Variants in JMJD1C observed in about 807,000 individuals in gnomAD.
The protein encoded by JMJD1C is jumonji domain-containing protein 1C.
JMJD1C carries 31 observed loss-of-function variants against 245.3 expected under a neutral mutation model. That is an observed-to-expected ratio of 0.13 (90% CI 0.09 to 0.17). JMJD1C has a LOEUF of 0.17. Among genes scored for constraint, JMJD1C ranks in the 10% least tolerant of loss-of-function variants. The pLI, the probability that JMJD1C is intolerant of heterozygous loss-of-function variation, is 1.00. For missense variants in JMJD1C, 2,691 were observed against 3,000.2 expected (o/e 0.90, Z 2.41); for synonymous variants, 1,057 against 1,017.4 (o/e 1.04, Z -0.74).
intron 3 of JMJD1C, among the ~76,000 whole-genome samples, chr10:63,234,551 T>TAA (rs531508301): frequency 8.0e-5 from 7 of 87,960 alleles, no homozygotes; most frequent in African/African-American, 2.1e-4. Flanking sequence ...CCCTATCCTA[T>TAA]AAAAAAAAAC....
chr10:63,184,020 C>T (rs528961576), intron 21 of JMJD1C, among the ~76,000 whole-genome samples: 93 of 146,284 alleles, frequency 6.4e-4, no homozygotes, highest in African/African-American at 2.3e-3. Context: ...CTCCACCTCC[C>T]GGGTTCAAGC....
intron 10 of JMJD1C, chr10:63,202,520 A>G: frequency 1.0e-6 from 1 of 985,454 alleles, no homozygotes; most frequent in Non-Finnish European, 1.2e-6. Context: ...ACTGTGTTTA[A>G]ATAAACCATA....
chr10:63,284,637 A>T (rs1857764370), intron 2 of JMJD1C, among the ~76,000 whole-genome samples: 1 of 152,242 alleles, frequency 6.6e-6, no homozygotes, highest in Admixed American at 6.5e-5. Context: ...TGACAAAAAC[A>T]TCATTAAACT....
chr10:63,170,040 G>A (rs1036039226), intron 24 of JMJD1C, among the ~76,000 whole-genome samples: 4 of 152,190 alleles, frequency 2.6e-5, no homozygotes, highest in Non-Finnish European at 4.4e-5. Context: ...AGGAGAGTAA[G>A]TCTTTCCAAA....
intron 10 of JMJD1C, chr10:63,203,455 C>T: frequency 2.0e-6 from 2 of 985,268 alleles, no homozygotes; most frequent in Non-Finnish European, 2.4e-6. Context: ...ACTTGCCAAA[C>T]ATTAATCTCT....
chr10:63,271,024 T>A (rs182156832), intron 2 of JMJD1C, among the ~76,000 whole-genome samples: 5 of 152,274 alleles, frequency 3.3e-5, no homozygotes, highest in East Asian at 3.9e-4. Context: ...TGTATTACAA[T>A]TTAATTGAAA....
intron 1 of JMJD1C, among the ~76,000 whole-genome samples, chr10:63,434,449 T>C (rs1950949392): frequency 6.6e-6 from 1 of 152,018 alleles, no homozygotes; most frequent in African/African-American, 2.4e-5. Context: ...CCTTTGTAAG[T>C]CAAGGAGATA....
At position 63,224,589 on chromosome 10, in the gene JMJD1C, ATATATT is replaced by A. The variant is rs201453009; in HGVS notation, c.448-4612_448-4607del. 1.6e-3 allele frequency among the ~76,000 whole-genome samples: 251 copies of A among 152,324 alleles called. 3 individuals carry two copies. The South Asian group carries it at 0.029, about 18-fold the overall frequency. ...ACAAAGCCAAATAGGTTTTTTATAT[ATATATT>A]TACTGACTTGAATAATTTTGTAAAG... On this transcript the variant is annotated intron_variant, in intron 3 of 25. Transcript: ENST00000399262.
At chr10:63,212,456 C>A (rs150867727) in intron 8 of JMJD1C, among the ~76,000 whole-genome samples, 1 of 151,942 alleles carries the variant, frequency 6.6e-6, no homozygotes, top group Admixed American at 6.6e-5. Flanking sequence ...TTTTTTATAC[C>A]GGGGCTAGTA....
At chr10:63,226,534 G>A (rs938207533) in intron 3 of JMJD1C, among the ~76,000 whole-genome samples, 5 of 151,776 alleles carry the variant, frequency 3.3e-5, no homozygotes, top group Non-Finnish European at 5.9e-5. Flanking sequence ...GCAACATGGC[G>A]AGATGCCATT....
intron 1 of JMJD1C, among the ~76,000 whole-genome samples, chr10:63,443,296 GTTTT>G (rs936700465): frequency 6.6e-6 from 1 of 151,830 alleles, no homozygotes; most frequent in Non-Finnish European, 1.5e-5. Context: ...ACAGGGTTTT[GTTTT>G]TTTTGTTTTG....
chr10:63,495,905 T>A (rs1346487670), intron 1 of JMJD1C, among the ~76,000 whole-genome samples: 1 of 151,592 alleles, frequency 6.6e-6, no homozygotes. Context: ...AAGAAGAAAT[T>A]ATATTTTTAA....
chr10:63,243,103 T>TTATATATATATATATATATAGATA (rs1851696871), intron 3 of JMJD1C, among the ~76,000 whole-genome samples: 1 of 120,108 alleles, frequency 8.3e-6, no homozygotes. Context: ...CTAACATAAA[T>TTATATATATATATATATATAGATA]TATATATATA....
chr10:63,456,659 T>C (rs1287478211), intron 1 of JMJD1C, among the ~76,000 whole-genome samples: 2 of 152,140 alleles, frequency 1.3e-5, no homozygotes, highest in Non-Finnish European at 2.9e-5. Flanking sequence ...ATCTGAAATC[T>C]ATTCTAGGAA....
chr10:63,440,996 T>C (rs1456275015), intron 1 of JMJD1C, among the ~76,000 whole-genome samples: 3 of 152,034 alleles, frequency 2.0e-5, no homozygotes, highest in Admixed American at 2.0e-4. Context: ...GGAGGAAAAG[T>C]GCTTGAGGTC....
At chr10:63,352,043 G>A (rs1055410461) in intron 2 of JMJD1C, among the ~76,000 whole-genome samples, 14 of 152,014 alleles carry the variant, frequency 9.2e-5, no homozygotes, top group African/African-American at 3.1e-4. Flanking sequence ...AAGGAGGGGC[G>A]AGAATAAAAA....
At chr10:63,299,098 C>T (rs1859781570) in intron 2 of JMJD1C, among the ~76,000 whole-genome samples, 1 of 152,088 alleles carries the variant, frequency 6.6e-6, no homozygotes, top group African/African-American at 2.4e-5. Context: ...ATTACTAAGT[C>T]TATATCAAAC....
At chr10:63,447,318 A>G (rs1043190781) in intron 1 of JMJD1C, among the ~76,000 whole-genome samples, 1 of 152,222 alleles carries the variant, frequency 6.6e-6, no homozygotes, top group African/African-American at 2.4e-5. Flanking sequence ...AAAGCTTCTC[A>G]GACACCTCCT....
chr10:63,366,246 T>C (rs1945829924), intron 2 of JMJD1C, among the ~76,000 whole-genome samples: 1 of 152,186 alleles, frequency 6.6e-6, no homozygotes, highest in Non-Finnish European at 1.5e-5. Context: ...ACCAAAGGCT[T>C]TGCTGAGATT....
Sources: gnomAD v4.1 joint callset for allele counts (sites outside exome capture counted in the v4.1 genomes callset) on GRCh38, gnomAD v4.1.1 for gene constraint, MANE v1.5 for transcripts, NCBI Gene and HGNC (gene_info 2026-07-23, HGNC 2026-07-21) for gene names.